Variants in FRMPD4 observed in about 807,000 individuals in gnomAD.
The protein encoded by FRMPD4 is FERM and PDZ domain-containing protein 4.
FRMPD4 carries 22 observed loss-of-function variants against 94.1 expected under a neutral mutation model. The observed-to-expected ratio is 0.23, with a 90% CI of 0.17 to 0.33. The LOEUF (loss-of-function observed/expected upper bound fraction) is 0.33. Ranked by LOEUF, FRMPD4 falls within the 10% of genes least tolerant of loss-of-function variation. The probability of loss-of-function intolerance (pLI) is 1.00; values close to 1 mark genes in which losing one functional copy is unlikely to be tolerated. For synonymous variants in FRMPD4, 631 were observed against 548.6 expected (o/e 1.15, Z -2.10); for missense variants, 1,111 against 1,339.9 (o/e 0.83, Z 2.67).
intron 1 of FRMPD4, among the ~76,000 whole-genome samples, chrX:12,294,555 G>T (rs1419225004): frequency 9.1e-6 from 1 of 110,099 alleles, no homozygotes; most frequent in African/African-American, 3.3e-5. Context: ...TAAAGAGATT[G>T]TATTTGACCA....
intron 1 of FRMPD4, among the ~76,000 whole-genome samples, chrX:11,828,718 T>A (rs1471512296): frequency 9.0e-6 from 1 of 110,968 alleles, no homozygotes; most frequent in Admixed American, 9.5e-5. Flanking sequence ...AGCTGGATCT[T>A]TATGCATGTT....
At chrX:12,232,791 A>C (rs1053952736) in intron 1 of FRMPD4, among the ~76,000 whole-genome samples, 2 of 111,955 alleles carry the variant, frequency 1.8e-5, no homozygotes, top group African/African-American at 6.5e-5. Flanking sequence ...ATAATCAGCG[A>C]TGAGCTGGGC....
chrX:12,600,323 A>G (rs745776445), intron 2 of FRMPD4, among the ~76,000 whole-genome samples: 4 of 111,745 alleles, frequency 3.6e-5, no homozygotes, highest in Non-Finnish European at 7.5e-5. Flanking sequence ...AATGGAAGAT[A>G]TTGCCTTTTT....
In FRMPD4 at chrX:12,407,061, TCTC is replaced by T. The variant is rs80239773; in HGVS notation, c.42-91616_42-91614del. ...TCAGACCTCTGCTTCGATCATCACA[TCTC>T]CTTCTCTAACTCTCACTCTCTTGCC... On this transcript the variant is annotated intron_variant, in intron 1 of 16. Transcript: ENST00000675598. Among the ~76,000 whole-genome samples the T allele has an allele frequency of 6.7e-4, 74 of 110,613 alleles. 1 individual carries two copies. In the East Asian group the frequency reaches 0.021, roughly 31 times the overall value.
chrX:12,196,714 G>A (rs1044044934), intron 1 of FRMPD4, among the ~76,000 whole-genome samples: 1 of 108,147 alleles, frequency 9.2e-6, no homozygotes, highest in Non-Finnish European at 1.9e-5. Context: ...TGAAATATAT[G>A]TTTCAAATAT....
intron 1 of FRMPD4, among the ~76,000 whole-genome samples, chrX:12,481,867 C>T (rs576233775): frequency 1.1e-5 from 1 of 92,026 alleles, no homozygotes; most frequent in South Asian, 5.9e-4. Flanking sequence ...GGCGTGAACC[C>T]GGGAGGCGGA....
At chrX:12,040,432 T>C (rs1331837002) in intron 3 of FRMPD4, among the ~76,000 whole-genome samples, 1 of 109,942 alleles carries the variant, frequency 9.1e-6, no homozygotes, top group Non-Finnish European at 1.9e-5. Context: ...TATATTTCTC[T>C]TGTAGACATC....
chrX:11,832,647 G>A, intron 1 of FRMPD4, among the ~76,000 whole-genome samples: 1 of 111,717 alleles, frequency 9.0e-6, no homozygotes, highest in Non-Finnish European at 1.9e-5. Context: ...TTATTAAAGA[G>A]GAGCATCCCC....
intron 1 of FRMPD4, among the ~76,000 whole-genome samples, chrX:12,261,451 G>C: frequency 9.0e-6 from 1 of 111,277 alleles, no homozygotes; most frequent in East Asian, 2.8e-4. Flanking sequence ...AATGTTCTCA[G>C]TGTATCTAAC....
At chrX:12,060,267 GT>G (rs368187952) in intron 3 of FRMPD4, among the ~76,000 whole-genome samples, 10,566 of 92,820 alleles carry the variant, frequency 0.11, 550 homozygotes, top group East Asian at 0.23. Flanking sequence ...CTAGGAACTG[GT>G]TTTTTTTTTT....
chrX:12,231,376 C>A (rs925143314), intron 1 of FRMPD4, among the ~76,000 whole-genome samples: 1 of 109,114 alleles, frequency 9.2e-6, no homozygotes, highest in African/African-American at 3.3e-5. Flanking sequence ...TGAAGCAATA[C>A]TTATAAAGCA....
At chrX:12,519,753 T>C (rs1178190507) in intron 2 of FRMPD4, among the ~76,000 whole-genome samples, 4 of 112,451 alleles carry the variant, frequency 3.6e-5, no homozygotes, top group Admixed American at 2.8e-4. Flanking sequence ...GGAACTTGAA[T>C]AGACATTTCT....
chrX:12,351,448 G>T (rs1277930611), intron 1 of FRMPD4, among the ~76,000 whole-genome samples: 1 of 111,550 alleles, frequency 9.0e-6, no homozygotes, highest in Non-Finnish European at 1.9e-5. Context: ...TCAACTGGGG[G>T]ACAACCTAGT....
intron 1 of FRMPD4, among the ~76,000 whole-genome samples, chrX:12,218,271 C>T (rs1306901652): frequency 9.0e-6 from 1 of 111,448 alleles, no homozygotes; most frequent in Non-Finnish European, 1.9e-5. Context: ...AAAAGATTTC[C>T]AGTGACTTTC....
chrX:12,261,252 T>A (rs2054184428), intron 1 of FRMPD4, among the ~76,000 whole-genome samples: 1 of 112,110 alleles, frequency 8.9e-6, no homozygotes, highest in Non-Finnish European at 1.9e-5. Flanking sequence ...TCCTAGTTTA[T>A]AAAAATCTGT....
intron 5 of FRMPD4, among the ~76,000 whole-genome samples, chrX:12,681,540 C>G (rs2059971944): frequency 9.0e-6 from 1 of 111,428 alleles, no homozygotes; most frequent in Non-Finnish European, 1.9e-5. Context: ...CTTAAAACAT[C>G]TTGCATAAAT....
intron 1 of FRMPD4, among the ~76,000 whole-genome samples, chrX:12,200,501 T>A (rs1173543207): frequency 9.0e-6 from 1 of 111,098 alleles, no homozygotes; most frequent in Admixed American, 9.6e-5. Context: ...AATTTTAAAA[T>A]TTTTATTATT....
intron 3 of FRMPD4, among the ~76,000 whole-genome samples, chrX:12,106,703 T>C (rs2055301502): frequency 9.0e-6 from 1 of 111,725 alleles, no homozygotes; most frequent in Non-Finnish European, 1.9e-5. Flanking sequence ...ACTCCCACCC[T>C]AATACTGCAC....
intron 1 of FRMPD4, among the ~76,000 whole-genome samples, chrX:12,380,448 T>C (rs1028314081): frequency 3.6e-5 from 4 of 112,070 alleles, no homozygotes; most frequent in African/African-American, 1.3e-4. Context: ...TTAATTAGAG[T>C]ATGTACAGCT....
Sources: allele counts gnomAD v4.1 joint callset (sites outside exome capture counted in the v4.1 genomes callset), GRCh38; gene constraint gnomAD v4.1.1; transcripts MANE v1.5; gene names NCBI Gene and HGNC (gene_info 2026-07-23, HGNC 2026-07-21).